Variants in EVA1A observed in about 807,000 individuals in gnomAD.
EVA1A encodes the protein protein eva-1 homolog A.
EVA1A carries 7 observed loss-of-function variants against 9.8 expected under a neutral mutation model. The ratio of observed to expected loss-of-function variants is 0.71; its 90% CI spans 0.41 to 1.34. The LOEUF (loss-of-function observed/expected upper bound fraction) is 1.34, where lower values mean the gene tolerates loss of function less well. Among genes scored for constraint, EVA1A ranks in the 40% most tolerant of loss-of-function variants. EVA1A has a pLI of 0.01. For synonymous variants in EVA1A, 90 were observed against 85.6 expected, an observed-to-expected ratio of 1.05 and a Z score of -0.28; for missense variants, 206 against 205.9, an observed-to-expected ratio of 1.00 and a Z score of 0.00.
At chr2:75,497,649 G>C (rs1028865841) in intron 3 of EVA1A, among the ~76,000 whole-genome samples, 2 of 151,934 alleles carry the variant, frequency 1.3e-5, no homozygotes, top group African/African-American at 4.8e-5. Context: ...CAGGAAGCTT[G>C]AGACAAGCCT....
Position 75,493,269 on chromosome 2 carries a change from C to A in EVA1A, c.426G>T (p.Val142=), listed in dbSNP as rs752823867. 2.8e-5 allele frequency: 45 copies of A among 1,613,536 alleles called. 1 individual carries two copies. The South Asian group carries it at 4.8e-4, about 17-fold the overall frequency. The part of the protein sequence containing the change: ...REIWMNGQPE[V]PGTRSLNRYY ...AGCGATTCAGGCTCCTGGTCCCGGGCACCTCAGGCTGGCCATTCATCCAGA... is the reference window on the plus strand; with the variant it reads ...AGCGATTCAGGCTCCTGGTCCCGGGAACCTCAGGCTGGCCATTCATCCAGA... Residue 142 remains valine (V), a synonymous_variant, in exon 4 of 4, where the codon GTG becomes GTT. Coordinates refer to ENST00000393913, the MANE Select transcript of EVA1A (RefSeq NM_001135032.2).
intron 3 of EVA1A, among the ~76,000 whole-genome samples, chr2:75,496,917 A>G (rs1196954810): frequency 6.6e-6 from 1 of 152,220 alleles, no homozygotes; most frequent in African/African-American, 2.4e-5. Flanking sequence ...TGACAAAGTC[A>G]ACAATAACAG....
At chr2:75,523,047 A>G (rs1334485581) in intron 1 of EVA1A, among the ~76,000 whole-genome samples, 1 of 152,224 alleles carries the variant, frequency 6.6e-6, no homozygotes, top group African/African-American at 2.4e-5. Context: ...AGCTTCACTT[A>G]GAAGCTTGCA....
rs116722804 is a variant in EVA1A at position 75,503,623 on chromosome 2, G to T, written c.86-10014C>A. Among the ~76,000 whole-genome samples, 576 of 152,222 alleles carry T rather than the reference G, an allele frequency of 3.8e-3. 4 individuals are homozygous for T. Among genetic ancestry groups the T allele is most frequent in the African/African-American group, 0.013 (544 of 41,536 alleles). On this transcript the variant is annotated intron_variant, in intron 3 of 3. Transcript: ENST00000393913. ...TGCCTGGGCTTTCTTCTTGGCTCTG[G>T]AGCTTCCAATTCCTTAAGTGAAAAG... is the stretch of plus-strand genomic sequence containing the variant.
At chr2:75,556,563 T>C (rs773784174) in intron 1 of EVA1A, among the ~76,000 whole-genome samples, 4 of 152,208 alleles carry the variant, frequency 2.6e-5, no homozygotes, top group Non-Finnish European at 5.9e-5. Flanking sequence ...CAGGAATTTG[T>C]CTCTCAGGTC....
At chr2:75,508,083 TCTTTA>T (rs1337293761) in intron 3 of EVA1A, among the ~76,000 whole-genome samples, 1 of 152,234 alleles carries the variant, frequency 6.6e-6, no homozygotes, top group African/African-American at 2.4e-5. Context: ...CCTATGCCTG[TCTTTA>T]CTTTTATCTC....
intron 1 of EVA1A, among the ~76,000 whole-genome samples, chr2:75,568,884 G>A (rs895410930): frequency 6.6e-6 from 1 of 152,172 alleles, no homozygotes; most frequent in African/African-American, 2.4e-5. Flanking sequence ...AATATGCAAA[G>A]ATATGGAACT....
chr2:75,546,408 G>A (rs1051578399), intron 1 of EVA1A, among the ~76,000 whole-genome samples: 1 of 152,092 alleles, frequency 6.6e-6, no homozygotes, highest in Non-Finnish European at 1.5e-5. Flanking sequence ...GAAGAGGCTG[G>A]GGGGAAAATG....
rs1010289514 is a variant in EVA1A at position 75,518,762 on chromosome 2, T to C, written c.-68-554A>G. ...TACAAGCCACAGCCCTCTCCTCTCC[T>C]GCTGTGCTTTCCCGGGAGCCTGCAC... On this transcript the variant is annotated intron_variant, in intron 2 of 3. Transcript: ENST00000393913. 5 of 986,162 alleles carry C rather than the reference T, an allele frequency of 5.1e-6. No homozygotes were observed. In the African/African-American group the frequency reaches 8.7e-5, roughly 17 times the overall value. 61.1% of individuals were successfully genotyped at this position (986,162 alleles called of 1,614,324 possible).
chr2:75,569,175 T>A (rs766426867), intron 1 of EVA1A, among the ~76,000 whole-genome samples: 16 of 152,176 alleles, frequency 1.1e-4, no homozygotes, highest in African/African-American at 3.6e-4. Context: ...ATAAATATTT[T>A]AATAATTTTT....
chr2:75,556,110 T>C (rs1676701855), intron 1 of EVA1A, among the ~76,000 whole-genome samples: 1 of 152,240 alleles, frequency 6.6e-6, no homozygotes, highest in South Asian at 2.1e-4. Context: ...CTCTGGCACC[T>C]GCACAGAGCT....
At chr2:75,543,870 T>C (rs1676228574) in intron 1 of EVA1A, among the ~76,000 whole-genome samples, 1 of 152,210 alleles carries the variant, frequency 6.6e-6, no homozygotes, top group South Asian at 2.1e-4. Flanking sequence ...CTGCTAAAGA[T>C]CCCACCTGAG....
At chr2:75,562,952 C>T (rs1225669213), upstream of EVA1A, among the ~76,000 whole-genome samples, 1 of 152,208 alleles carries the variant, frequency 6.6e-6, no homozygotes, top group African/African-American at 2.4e-5. Flanking sequence ...CACAGACTTT[C>T]TATAGATGGG....
chr2:75,544,862 T>C (rs1321222104), intron 1 of EVA1A, among the ~76,000 whole-genome samples: 2 of 152,318 alleles, frequency 1.3e-5, no homozygotes, highest in South Asian at 2.1e-4. Context: ...ATCTGTAAGG[T>C]ATCTTGTTTA....
intron 1 of EVA1A, among the ~76,000 whole-genome samples, chr2:75,557,890 C>G (rs1353837073): frequency 6.6e-6 from 1 of 152,252 alleles, no homozygotes; most frequent in East Asian, 1.9e-4. Context: ...ACCCAATGGA[C>G]TTAGGCTCTC....
At chr2:75,517,961 T>C in intron 3 of EVA1A, 95 bp downstream of exon 3, 1 of 1,426,724 alleles carries the variant, frequency 7.0e-7, no homozygotes, top group Non-Finnish European at 9.8e-7. Flanking sequence ...GTAGTGTGTC[T>C]TTACTGAGAA....
At chr2:75,553,011 T>C (rs1459306042) in intron 1 of EVA1A, among the ~76,000 whole-genome samples, 1 of 152,222 alleles carries the variant, frequency 6.6e-6, no homozygotes, top group African/African-American at 2.4e-5. Context: ...AAAATTCCAA[T>C]TCTCTAACAA....
chr2:75,501,365 A>G (rs930707156), intron 3 of EVA1A, among the ~76,000 whole-genome samples: 1 of 152,206 alleles, frequency 6.6e-6, no homozygotes, highest in Non-Finnish European at 1.5e-5. Context: ...ATTCTAAAGG[A>G]ATTTTCTTAG....
chr2:75,528,791 A>G, intron 1 of EVA1A, among the ~76,000 whole-genome samples: 1 of 152,288 alleles, frequency 6.6e-6, no homozygotes, highest in South Asian at 2.1e-4. Flanking sequence ...GCAAGCTTGC[A>G]TCCCCCAATA....
Sources: allele counts gnomAD v4.1 joint callset (sites outside exome capture counted in the v4.1 genomes callset), GRCh38; gene constraint gnomAD v4.1.1; transcripts MANE v1.5; gene names NCBI Gene and HGNC (gene_info 2026-07-23, HGNC 2026-07-21).